Variants in CSMD2 observed in about 807,000 individuals in gnomAD.
CSMD2 encodes CUB and sushi domain-containing protein 2.
In CSMD2, 130 loss-of-function variants were observed where a neutral mutation model predicts 398.5. That is an observed-to-expected ratio of 0.33 (90% CI 0.28 to 0.38). The LOEUF (loss-of-function observed/expected upper bound fraction) is 0.38. Ranked by LOEUF, CSMD2 falls within the 10% of genes least tolerant of loss-of-function variation. CSMD2 has a pLI of 1.00. For missense variants in CSMD2, 3,829 were observed against 4,764.9 expected, an observed-to-expected ratio of 0.80 and a Z score of 5.78; for synonymous variants, 1,828 against 1,908.5, an observed-to-expected ratio of 0.96 and a Z score of 1.10.
At chr1:34,079,091 C>T (rs942450703) in intron 2 of CSMD2, among the ~76,000 whole-genome samples, 3 of 152,102 alleles carry the variant, frequency 2.0e-5, no homozygotes, top group African/African-American at 7.2e-5. Flanking sequence ...CCAAATCATG[C>T]CAAAATCCTC....
At chr1:33,625,282 G>A (rs775203126) in intron 33 of CSMD2, 28 bp from the exon 34 acceptor site, 1 of 1,590,668 alleles carries the variant, frequency 6.3e-7, no homozygotes. Flanking sequence ...ACTGAGGGGA[G>A]GCCTCACCCC....
At chr1:33,856,782 T>C (rs1033202551) in intron 5 of CSMD2, among the ~76,000 whole-genome samples, 1 of 151,926 alleles carries the variant, frequency 6.6e-6, no homozygotes, top group Non-Finnish European at 1.5e-5. Context: ...GAGCAAGTGG[T>C]CCTAGAGTCC....
chr1:33,632,944 T>C (rs1642554589), intron 32 of CSMD2, among the ~76,000 whole-genome samples: 2 of 152,174 alleles, frequency 1.3e-5, no homozygotes, highest in Non-Finnish European at 2.9e-5. Context: ...GAAAAGCTCG[T>C]AGCGAATATT....
intron 17 of CSMD2, 128 bp downstream of exon 17, chr1:33,725,221 G>T: frequency 1.3e-6 from 1 of 745,848 alleles, no homozygotes; most frequent in Non-Finnish European, 2.2e-6. Context: ...CTTCTGAAGG[G>T]CACAGCCTAG....
chr1:34,033,740 G>C (rs183865754), intron 2 of CSMD2, among the ~76,000 whole-genome samples: 25 of 152,308 alleles, frequency 1.6e-4, no homozygotes, highest in Admixed American at 1.5e-3. Context: ...TGGTTCTCCT[G>C]GGTGCCGCTG....
At chr1:33,888,242 T>TG (rs1488011897) in intron 5 of CSMD2, among the ~76,000 whole-genome samples, 1 of 152,150 alleles carries the variant, frequency 6.6e-6, no homozygotes, top group Non-Finnish European at 1.5e-5. Flanking sequence ...GAAATTTCTT[T>TG]GGGGGAAATC....
intron 5 of CSMD2, among the ~76,000 whole-genome samples, chr1:33,852,491 C>T (rs889980832): frequency 6.6e-6 from 1 of 152,226 alleles, no homozygotes; most frequent in Non-Finnish European, 1.5e-5. Flanking sequence ...GCTATTCCCT[C>T]TACCTGTAAT....
intron 3 of CSMD2, among the ~76,000 whole-genome samples, chr1:33,950,153 A>T (rs1644958567): frequency 6.6e-6 from 1 of 152,110 alleles, no homozygotes; most frequent in Non-Finnish European, 1.5e-5. Flanking sequence ...ACTTGGAGAT[A>T]GCCTCCTCAT....
intron 53 of CSMD2, among the ~76,000 whole-genome samples, chr1:33,565,200 G>A (rs1296998951): frequency 6.6e-6 from 1 of 152,144 alleles, no homozygotes; most frequent in Non-Finnish European, 1.5e-5. Context: ...GCCAGAAGGA[G>A]AAAATCCATC....
intron 24 of CSMD2, among the ~76,000 whole-genome samples, chr1:33,694,600 C>T (rs1645354730): frequency 6.6e-6 from 1 of 152,198 alleles, no homozygotes; most frequent in Non-Finnish European, 1.5e-5. Flanking sequence ...AAGGTGCCTG[C>T]TTCCCCTTCC....
At chr1:33,837,064 G>C (rs1207809646) in intron 6 of CSMD2, among the ~76,000 whole-genome samples, 1 of 152,196 alleles carries the variant, frequency 6.6e-6, no homozygotes, top group Non-Finnish European at 1.5e-5. Flanking sequence ...CAGTTTTTGA[G>C]CAATCCCAGG....
At chr1:34,065,467 C>T (rs1257494333) in intron 2 of CSMD2, among the ~76,000 whole-genome samples, 1 of 152,160 alleles carries the variant, frequency 6.6e-6, no homozygotes, top group Admixed American at 6.5e-5. Context: ...TCCCTCAGGC[C>T]TATGTCTACA....
chr1:33,760,613 A>G (rs142355105), intron 13 of CSMD2, among the ~76,000 whole-genome samples: 29 of 152,290 alleles, frequency 1.9e-4, no homozygotes, highest in African/African-American at 6.5e-4. Context: ...GGTACTTTAC[A>G]TCATTGAGTC....
intron 13 of CSMD2, 91 bp downstream of exon 13, chr1:33,772,478 G>A: frequency 8.7e-7 from 1 of 1,146,806 alleles, no homozygotes; most frequent in South Asian, 1.4e-5. Flanking sequence ...AACCTGCAAG[G>A]TTCCCAGGGA....
At chr1:34,135,286 A>ACACACACAC (rs1638618735) in intron 1 of CSMD2, among the ~76,000 whole-genome samples, 1 of 148,826 alleles carries the variant, frequency 6.7e-6, no homozygotes, top group Non-Finnish European at 1.5e-5. Flanking sequence ...ACACACACAC[A>ACACACACAC]ATTATTTTGT....
rs147617021 is a variant in CSMD2 at position 33,786,761 on chromosome 1, C to T, written c.1663+1839G>A. Among the ~76,000 whole-genome samples the T allele has an allele frequency of 1.5e-3, 221 of 152,274 alleles. 3 individuals are homozygous for T. The highest frequency in any genetic ancestry group is 4.4e-3 in the African/African-American group (183 of 41,546). On this transcript the variant is annotated intron_variant, in intron 12 of 70. Coordinates refer to ENST00000373381, the MANE Select transcript of CSMD2 (RefSeq NM_001281956.2). The stretch of plus-strand genomic sequence containing the variant: ...CTGTCACCCCATAAGTATTTTCTGT[C>T]TGTTGTTCTGTCTTCCCTAGACACA...
At chr1:33,801,693 A>G (rs1655624601) in intron 10 of CSMD2, among the ~76,000 whole-genome samples, 1 of 152,200 alleles carries the variant, frequency 6.6e-6, no homozygotes, top group Admixed American at 6.5e-5. Context: ...GGAGCAACAC[A>G]TGATGAAGTT....
chr1:33,644,550 C>A (rs772937538), intron 29 of CSMD2, among the ~76,000 whole-genome samples: 16 of 152,136 alleles, frequency 1.1e-4, no homozygotes, highest in Non-Finnish European at 1.8e-4. Flanking sequence ...CACGTTTGTG[C>A]AGCTTTGTCT....
chr1:34,077,251 A>G (rs1258174588), intron 2 of CSMD2, among the ~76,000 whole-genome samples: 1 of 151,614 alleles, frequency 6.6e-6, no homozygotes, highest in African/African-American at 2.4e-5. Context: ...AGGTCAGGAG[A>G]TCGAGACCAT....
Sources: gnomAD v4.1 joint callset for allele counts (sites outside exome capture counted in the v4.1 genomes callset) on GRCh38, gnomAD v4.1.1 for gene constraint, MANE v1.5 for transcripts, NCBI Gene and HGNC (gene_info 2026-07-23, HGNC 2026-07-21) for gene names.